The following ANOS1 variants were observed in gnomAD, a reference collection of about 807,000 sequenced individuals.
ANOS1 encodes anosmin-1.
Under a neutral mutation model 59.0 loss-of-function variants are expected in ANOS1, and 6 were observed. That is an observed-to-expected ratio of 0.10 (90% CI 0.06 to 0.20). The LOEUF (loss-of-function observed/expected upper bound fraction) is 0.20. ANOS1 is among the 10% of genes least tolerant of loss of function. ANOS1 has a pLI of 1.00. For synonymous variants in ANOS1, 217 were observed against 223.4 expected (o/e 0.97, Z 0.25); for missense variants, 433 against 542.3 (o/e 0.80, Z 2.00).
intron 7 of ANOS1, among the ~76,000 whole-genome samples, chrX:8,569,919 A>T (rs935432872): frequency 1.1e-4 from 12 of 111,871 alleles, no homozygotes; most frequent in African/African-American, 3.9e-4. Context: ...GATGCTTGTT[A>T]TCATAAGAAT....
intron 1 of ANOS1, among the ~76,000 whole-genome samples, chrX:8,706,083 C>T (rs1249029359): frequency 8.9e-6 from 1 of 112,215 alleles, no homozygotes; most frequent in East Asian, 2.8e-4. Flanking sequence ...AAAGATAACT[C>T]TTCAAAAGCT....
intron 2 of ANOS1, among the ~76,000 whole-genome samples, chrX:8,644,636 A>G (rs865982579): frequency 8.9e-6 from 1 of 112,168 alleles, no homozygotes; most frequent in African/African-American, 3.2e-5. Flanking sequence ...TTTAAGGTCC[A>G]ATAAGAGGTA....
intron 2 of ANOS1, among the ~76,000 whole-genome samples, chrX:8,626,916 A>C (rs775015128): frequency 5.5e-4 from 61 of 111,229 alleles, no homozygotes; most frequent in African/African-American, 1.8e-3. Context: ...TGATTTCCTT[A>C]AAGAACTAGT....
chrX:8,601,726 G>T (rs1279472026), intron 3 of ANOS1, among the ~76,000 whole-genome samples: 3 of 111,964 alleles, frequency 2.7e-5, no homozygotes, highest in African/African-American at 9.7e-5. Context: ...AATAATACAG[G>T]TAACATTATG....
rs1305392980 is a variant in ANOS1, at chrX:8,545,015, G to A, written c.1355-5257C>T. Among the ~76,000 whole-genome samples the A allele has an allele frequency of 3.2e-5, 3 of 93,628 alleles. 1 individual carries two copies. Among genetic ancestry groups the A allele is most frequent in the South Asian group, 1.1e-3 (2 of 1,786 alleles). 81.3% of individuals were successfully genotyped at this position (93,628 alleles called of 115,157 possible). ...CGGAAGGCAGAGGTTGTGGTGAGCC[G>A]AGATTGCGACATTGCACTCCAGCCT... On this transcript the variant is annotated intron_variant, in intron 9 of 13. Transcript: ENST00000262648.
At chrX:8,547,797 A>G (rs1483432056) in intron 9 of ANOS1, among the ~76,000 whole-genome samples, 8 of 111,208 alleles carry the variant, frequency 7.2e-5, no homozygotes, top group Non-Finnish European at 7.6e-5. Context: ...GCTCACTGCA[A>G]CCTCTGCCTC....
rs1929512404 is a variant in ANOS1, at chrX:8,532,263, A to G, written c.*732T>C. 1 of 112,124 alleles carries G rather than the reference A, an allele frequency of 8.9e-6. No individual in the cohort carries two copies. The highest frequency in any genetic ancestry group is 3.2e-5 in the African/African-American group (1 of 30,875). 9.2% of individuals were successfully genotyped at this position (112,124 alleles called of 1,213,427 possible). ...AATCTCTCACATAATAGGATCAAAT[A>G]TTAAAAGGCATCCCCAAGAAATAAT... is the stretch of plus-strand genomic sequence containing the variant. On this transcript the variant is annotated 3_prime_UTR_variant, in exon 14 of 14. Transcript: ENST00000262648.
In ANOS1 at chrX:8,587,839, G is replaced by T; in HGVS notation, c.681C>A (p.Ile227=). The change falls in exon 5 of 14, where the codon ATC becomes ATA. Residue 227 remains isoleucine, a synonymous_variant. Transcript: ENST00000262648. ...YVVQRRWNYG[I]HPSEDDATHW... ...GAGTGGCGTCATCTTCGCTAGGATG[G>T]ATTCCATAATTCCATCTTCTTTGTA... The T allele has an allele frequency of 8.3e-7, 1 of 1,206,742 alleles. No individual in the cohort carries two copies. Among genetic ancestry groups the T allele is most frequent in the Non-Finnish European group, 1.1e-6 (1 of 892,594 alleles).
chrX:8,614,866 AG>A (rs58417225), intron 3 of ANOS1, among the ~76,000 whole-genome samples: 38,182 of 103,650 alleles, frequency 0.37, 5,466 homozygotes, highest in South Asian at 0.43. Context: ...GAGTAATATA[AG>A]AAAAATATAA....
chrX:8,587,748 G>A, intron 5 of ANOS1, 46 bp downstream of exon 5: 7 of 1,065,164 alleles, frequency 6.6e-6, no homozygotes, highest in Non-Finnish European at 9.0e-6. Flanking sequence ...CTATGTAGCA[G>A]ACACTACCTC....
intron 1 of ANOS1, among the ~76,000 whole-genome samples, chrX:8,710,331 C>A (rs1208542728): frequency 1.8e-5 from 2 of 112,009 alleles, no homozygotes; most frequent in African/African-American, 6.5e-5. Flanking sequence ...TTCTACCTCA[C>A]CAGCAGTCCT....
intron 1 of ANOS1, among the ~76,000 whole-genome samples, chrX:8,717,347 G>A (rs1371928417): frequency 5.4e-5 from 6 of 111,512 alleles, no homozygotes; most frequent in Non-Finnish European, 1.1e-4. Context: ...ACAGATGGTC[G>A]ACTAGTCTAT....
At chrX:8,631,473 CA>C (rs1931486660) in intron 2 of ANOS1, among the ~76,000 whole-genome samples, 1 of 111,860 alleles carries the variant, frequency 8.9e-6, no homozygotes, top group Non-Finnish European at 1.9e-5. Context: ...ATTGGAGTGT[CA>C]AAAATTTTAG....
At chrX:8,544,667 G>C (rs1159176319) in intron 9 of ANOS1, among the ~76,000 whole-genome samples, 1 of 111,235 alleles carries the variant, frequency 9.0e-6, no homozygotes, top group African/African-American at 3.3e-5. Flanking sequence ...TTCAACCCCA[G>C]CGTTTTGGGA....
intron 2 of ANOS1, among the ~76,000 whole-genome samples, chrX:8,659,241 A>AAT (rs1243418404): frequency 9.1e-6 from 1 of 109,397 alleles, no homozygotes; most frequent in Non-Finnish European, 1.9e-5. Flanking sequence ...AAAAAAAAAA[A>AAT]AATACACATC....
chrX:8,629,643 G>A (rs912288806), intron 2 of ANOS1, among the ~76,000 whole-genome samples: 1 of 110,367 alleles, frequency 9.1e-6, no homozygotes, highest in Non-Finnish European at 1.9e-5. Flanking sequence ...CAACTCATGA[G>A]TGGAAGTACT....
At chrX:8,623,321 A>T (rs1193756033) in intron 3 of ANOS1, among the ~76,000 whole-genome samples, 1 of 111,650 alleles carries the variant, frequency 9.0e-6, no homozygotes, top group African/African-American at 3.3e-5. Flanking sequence ...GCTATGATGT[A>T]AGGTGGGAGG....
chrX:8,692,239 C>CA (rs1209914291), intron 2 of ANOS1, among the ~76,000 whole-genome samples: 4 of 111,435 alleles, frequency 3.6e-5, no homozygotes. Flanking sequence ...TTACTATCTA[C>CA]AAAAAATGTT....
chrX:8,660,646 A>T (rs888487654), intron 2 of ANOS1, among the ~76,000 whole-genome samples: 2 of 111,792 alleles, frequency 1.8e-5, no homozygotes, highest in African/African-American at 3.3e-5. Flanking sequence ...AGAGAAATGC[A>T]TATAGACTTT....
Sources: gnomAD v4.1 joint callset for allele counts (sites outside exome capture counted in the v4.1 genomes callset) on GRCh38, gnomAD v4.1.1 for gene constraint, MANE v1.5 for transcripts, NCBI Gene and HGNC (gene_info 2026-07-23, HGNC 2026-07-21) for gene names.